ANO6: variants seen among roughly 807,000 people sequenced by gnomAD.
ANO6 encodes anoctamin 6.
A neutral mutation model predicts 117.5 loss-of-function variants in ANO6; 106 were observed. The observed-to-expected ratio is 0.90, with a 90% CI of 0.77 to 1.06. The LOEUF is 1.06. Among genes scored for constraint, ANO6 ranks in the 50% least tolerant of loss-of-function variants. ANO6 has a pLI of 0.00. For synonymous variants in ANO6, 367 were observed against 385.1 expected (o/e 0.95, Z 0.55); for missense variants, 955 against 1,121.1 (o/e 0.85, Z 2.12).
intron 2 of ANO6, among the ~76,000 whole-genome samples, chr12:45,316,732 A>G (rs771147970): frequency 5.7e-4 from 87 of 151,816 alleles, no homozygotes; most frequent in Non-Finnish European, 6.5e-4. Flanking sequence ...TTATATTCCA[A>G]TTAAGATGAT....
At chr12:45,355,600 G>A (rs555358305) in intron 7 of ANO6, among the ~76,000 whole-genome samples, 23 of 152,270 alleles carry the variant, frequency 1.5e-4, no homozygotes, top group South Asian at 1.5e-3. Flanking sequence ...CTTCTCTCCC[G>A]GGCTGTATCC....
chr12:45,410,748 A>T (rs1282579672), intron 16 of ANO6, among the ~76,000 whole-genome samples: 4 of 152,214 alleles, frequency 2.6e-5, no homozygotes, highest in South Asian at 2.1e-4. Flanking sequence ...GTTCCTGTTT[A>T]CAAGTCTGCA....
At chr12:45,404,406 A>T (rs570748703) in intron 15 of ANO6, among the ~76,000 whole-genome samples, 6 of 152,248 alleles carry the variant, frequency 3.9e-5, no homozygotes, top group Admixed American at 3.3e-4. Context: ...TATTGCTGCT[A>T]TAACAAATTA....
intron 2 of ANO6, among the ~76,000 whole-genome samples, chr12:45,308,021 G>A (rs191490793): frequency 2.1e-5 from 3 of 141,158 alleles, no homozygotes; most frequent in East Asian, 4.3e-4. Context: ...TAACACTTCC[G>A]TGTGTGTGTC....
intron 7 of ANO6, among the ~76,000 whole-genome samples, chr12:45,353,247 C>T (rs564079896): frequency 6.6e-6 from 1 of 151,870 alleles, no homozygotes; most frequent in East Asian, 1.9e-4. Flanking sequence ...CTCGGATTCC[C>T]TTGTCATTCA....
At chr12:45,413,149 A>AT (rs1357334304) in intron 16 of ANO6, among the ~76,000 whole-genome samples, 1 of 152,224 alleles carries the variant, frequency 6.6e-6, no homozygotes, top group Non-Finnish European at 1.5e-5. Context: ...TTTATGTGGA[A>AT]TAAGATCAAT....
Position 45,388,188 on chromosome 12 carries a change from G to C in ANO6, c.1193G>C (p.Arg398Pro). ...WVTLFLEFWK[R>P]RQAELEYEWD... The stretch of plus-strand genomic sequence containing the variant: ...ACCTTGTTTTTGGAGTTTTGGAAGC[G>C]ACGCCAGGCAGAACTTGAGTATGAA... The change falls in exon 11 of 20, where the codon CGA becomes CCA. Residue 398 changes from arginine to proline, a missense_variant. Coordinates refer to ENST00000320560, the MANE Select transcript of ANO6 (RefSeq NM_001025356.3). 6.2e-7 allele frequency: 1 copy of C among 1,613,938 alleles called. No homozygotes were observed. Among genetic ancestry groups the C allele is most frequent in the Non-Finnish European group, 8.5e-7 (1 of 1,179,896 alleles).
At chr12:45,256,800 A>AT (rs1937850879) in intron 1 of ANO6, 1 of 152,218 alleles carries the variant, frequency 6.6e-6, no homozygotes, top group Admixed American at 6.5e-5. Flanking sequence ...TTATTCATAA[A>AT]TGTATTTTAA....
intron 2 of ANO6, among the ~76,000 whole-genome samples, chr12:45,317,813 T>G (rs1292607071): frequency 1.3e-5 from 2 of 152,228 alleles, no homozygotes; most frequent in Admixed American, 1.3e-4. Context: ...TGATCGCCAT[T>G]CTAACTGGTG....
chr12:45,256,416 T>C (rs1937829864), intron 1 of ANO6: 1 of 152,216 alleles, frequency 6.6e-6, no homozygotes, highest in South Asian at 2.1e-4. Context: ...AAGGTTAGTG[T>C]TTTCCATTTA....
At position 45,424,327 on chromosome 12, in the gene ANO6, G is replaced by GGTTTTT. The variant is rs1943439717; in HGVS notation, c.2526+1265_2526+1266insGTTTTT. ...AGAGAGAGGGAAAACTAGGTGATGG[G>GGTTTTT]TTTTTTTTTTTTTTTTTTTTTTTTT... On this transcript the variant is annotated intron_variant, in intron 19 of 19. Transcript: ENST00000320560. Among the ~76,000 whole-genome samples the GGTTTTT allele has an allele frequency of 8.2e-4, 67 of 81,274 alleles. 1 individual carries two copies. Among genetic ancestry groups the GGTTTTT allele is most frequent in the African/African-American group, 3.2e-3 (64 of 20,284 alleles). The allele number at this position is 81,274 out of a possible 152,430, so 53.3% of individuals were successfully genotyped here. A position where few individuals can be genotyped will look rare whatever the true frequency, so the allele number is the denominator to read the frequency against.
intron 12 of ANO6, among the ~76,000 whole-genome samples, chr12:45,395,183 C>T (rs566376055): frequency 6.6e-6 from 1 of 152,250 alleles, no homozygotes; most frequent in South Asian, 2.1e-4. Flanking sequence ...CATAGAAATA[C>T]AAACTACCAT....
intron 1 of ANO6, among the ~76,000 whole-genome samples, chr12:45,291,796 CAAAT>C (rs1939109928): frequency 6.6e-6 from 1 of 151,240 alleles, no homozygotes; most frequent in Non-Finnish European, 1.5e-5. Context: ...TTTTTTTAAT[CAAAT>C]AAGAGCACAC....
intron 2 of ANO6, among the ~76,000 whole-genome samples, chr12:45,323,509 C>T (rs1940351214): frequency 6.6e-6 from 1 of 152,158 alleles, no homozygotes; most frequent in African/African-American, 2.4e-5. Flanking sequence ...AGAACGGTTA[C>T]CTATTAAGGT....
At position 45,431,543 on chromosome 12, in the gene ANO6, A is replaced by AC. The variant is rs1468929165; in HGVS notation, c.*2235dup. 5 of 985,338 alleles carry AC rather than the reference A, an allele frequency of 5.1e-6. No homozygotes were observed. The highest frequency in any genetic ancestry group is 6.0e-6 in the Non-Finnish European group (5 of 829,918). The allele number at this position is 985,338 out of a possible 1,614,324, so 61.0% of individuals were successfully genotyped here. On this transcript the variant is annotated 3_prime_UTR_variant, in exon 20 of 20. Coordinates refer to ENST00000320560, the MANE Select transcript of ANO6 (RefSeq NM_001025356.3). ...TGCTGTGGACAGGAGGGGAAAAAAA[A>AC]CCCTCTACATATTGAAAGGCACCAA...
intron 1 of ANO6, among the ~76,000 whole-genome samples, chr12:45,218,107 G>A (rs895867117): frequency 1.3e-5 from 2 of 152,122 alleles, no homozygotes; most frequent in African/African-American, 4.8e-5. Context: ...CAGTCAAACA[G>A]TGTAGATAGA....
chr12:45,276,465 C>T (rs939451709), intron 1 of ANO6, among the ~76,000 whole-genome samples: 6 of 152,142 alleles, frequency 3.9e-5, no homozygotes, highest in Non-Finnish European at 8.8e-5. Flanking sequence ...CTTTCTGCTT[C>T]AGAACTATGG....
Position 45,416,757 on chromosome 12 carries a change from G to A in ANO6, c.2070G>A (p.Leu690=). 1 of 1,613,992 alleles carries A rather than the reference G, an allele frequency of 6.2e-7. No homozygotes were observed. The highest frequency in any genetic ancestry group is 1.1e-5 in the South Asian group (1 of 91,070). The change falls in exon 17 of 20, where the codon TTG becomes TTA. Residue 690 remains leucine, a synonymous_variant. Coordinates refer to ENST00000320560, the MANE Select transcript of ANO6 (RefSeq NM_001025356.3). ...CCTCTTTTCCACTGGCCCCTCTGTTGGCTCTCGTGAACAATATATTGGAAA... is the reference window on the plus strand; with the variant it reads ...CCTCTTTTCCACTGGCCCCTCTGTTAGCTCTCGTGAACAATATATTGGAAA... ...FVASFPLAPL[L]ALVNNILEIR...
intron 1 of ANO6, among the ~76,000 whole-genome samples, chr12:45,273,344 A>G (rs950329260): frequency 6.6e-6 from 1 of 152,210 alleles, no homozygotes; most frequent in African/African-American, 2.4e-5. Context: ...AAATGGAAGA[A>G]AGGATGGCCA....
Sources: allele counts gnomAD v4.1 joint callset (sites outside exome capture counted in the v4.1 genomes callset), GRCh38; gene constraint gnomAD v4.1.1; transcripts MANE v1.5; gene names NCBI Gene and HGNC (gene_info 2026-07-23, HGNC 2026-07-21).